The following SH3BGRL variants were observed in gnomAD, a reference collection of about 807,000 sequenced individuals.
The protein encoded by SH3BGRL is adapter SH3BGRL.
In SH3BGRL, 7 loss-of-function variants were observed where a neutral mutation model predicts 9.8. That is an observed-to-expected ratio of 0.72 (90% CI 0.41 to 1.35). The LOEUF is 1.35. Among genes scored for constraint, SH3BGRL ranks in the 40% most tolerant of loss-of-function variants. The pLI is 0.01. For missense variants in SH3BGRL, 73 were observed against 84.4 expected, an observed-to-expected ratio of 0.86 and a Z score of 0.53; for synonymous variants, 36 against 29.1, an observed-to-expected ratio of 1.24 and a Z score of -0.76.
rs1281370829 is a variant in SH3BGRL, at chrX:81,259,941, A to T, written c.46-17043A>T. Among the ~76,000 whole-genome samples the T allele has an allele frequency of 1.1e-4, 12 of 111,769 alleles. No individual in the cohort carries two copies. The Admixed American group carries it at 1.1e-3, about 11-fold the overall frequency. ...TGCTTCTTCACAGAAACTTTTTCTT[A>T]CGAAATCTTAAAGATCCAGGAGGCT... On this transcript the variant is annotated intron_variant, in intron 1 of 3. Transcript: ENST00000373212.
At position 81,205,502 on chromosome X, in the gene SH3BGRL, G is replaced by GTATA. The variant is rs770003979; in HGVS notation, c.45+3258_45+3259insATAT. Among the ~76,000 whole-genome samples the GTATA allele has an allele frequency of 2.8e-3, 250 of 88,917 alleles. 1 individual carries two copies. The highest frequency in any genetic ancestry group is 9.6e-3 in the African/African-American group (207 of 21,568). 77.2% of individuals were successfully genotyped at this position (88,917 alleles called of 115,157 possible). A position where few individuals can be genotyped will look rare whatever the true frequency, so the allele number is the denominator to read the frequency against. On this transcript the variant is annotated intron_variant, in intron 1 of 3. Coordinates refer to ENST00000373212, the MANE Select transcript of SH3BGRL (RefSeq NM_003022.3). ...TGTATATATATGTGTGTGTGTGTGT[G>GTATA]TGTATATATATATATATATATATAT...
At chrX:81,205,504 G>GTATATATA (rs34834268) in intron 1 of SH3BGRL, among the ~76,000 whole-genome samples, 34 of 85,142 alleles carry the variant, frequency 4.0e-4, no homozygotes, top group Middle Eastern at 6.2e-3. Context: ...GTGTGTGTGT[G>GTATATATA]TATATATATA....
chrX:81,214,533 G>GAATC (rs1188281490), intron 1 of SH3BGRL, among the ~76,000 whole-genome samples: 1 of 111,610 alleles, frequency 9.0e-6, no homozygotes, highest in Non-Finnish European at 1.9e-5. Flanking sequence ...TTTCACCATA[G>GAATC]AATCAACTTT....
chrX:81,292,331 C>T lies in SH3BGRL; in HGVS notation c.313-4864C>T, dbSNP rs146115960. On this transcript the variant is annotated intron_variant, in intron 3 of 3. Transcript: ENST00000373212. ...TGGAAGTACCCAAGGCTTGTAGCTT[C>T]CATCATCTGGAGCAGTGGCCTGACA... is the stretch of plus-strand genomic sequence containing the variant. Among the ~76,000 whole-genome samples the T allele has an allele frequency of 7.4e-3, 832 of 111,769 alleles. 8 individuals are homozygous for T. Among genetic ancestry groups the T allele is most frequent in the Non-Finnish European group, 5.2e-3 (276 of 53,062 alleles).
intron 1 of SH3BGRL, among the ~76,000 whole-genome samples, chrX:81,228,171 A>G (rs746427952): frequency 8.9e-6 from 1 of 112,108 alleles, no homozygotes; most frequent in South Asian, 3.8e-4. Flanking sequence ...ATGGCCCATG[A>G]CACAACCTTC....
At chrX:81,265,474 C>A (rs750352599) in intron 1 of SH3BGRL, among the ~76,000 whole-genome samples, 1 of 110,775 alleles carries the variant, frequency 9.0e-6, no homozygotes, top group Non-Finnish European at 1.9e-5. Context: ...GTTTTCTGAT[C>A]TTGTGATAGT....
At chrX:81,245,754 A>G (rs1027490838) in intron 1 of SH3BGRL, among the ~76,000 whole-genome samples, 2 of 111,788 alleles carry the variant, frequency 1.8e-5, no homozygotes, top group Admixed American at 1.9e-4. Context: ...GGTTAATTCA[A>G]TGTCTTTGCT....
intron 1 of SH3BGRL, among the ~76,000 whole-genome samples, chrX:81,220,560 A>G (rs1388429591): frequency 9.8e-6 from 1 of 101,774 alleles, no homozygotes; most frequent in Non-Finnish European, 2.0e-5. Context: ...TTTTCAAAAA[A>G]CCCACTTTTT....
At chrX:81,295,537 G>A in intron 3 of SH3BGRL, among the ~76,000 whole-genome samples, 1 of 111,275 alleles carries the variant, frequency 9.0e-6, no homozygotes, top group Non-Finnish European at 1.9e-5. Flanking sequence ...CTCGTCTTGG[G>A]TATGTCTTTA....
rs1431354238 is a variant in SH3BGRL, at chrX:81,296,581, A to G, written c.313-614A>G. ...AGAATGATGTTGTCTACCACGCTTG[A>G]TTTCTACAACTTAAGTCTGATGTTT... On this transcript the variant is annotated intron_variant, in intron 3 of 3. Coordinates refer to ENST00000373212, the MANE Select transcript of SH3BGRL (RefSeq NM_003022.3). Among the ~76,000 whole-genome samples, 4 of 111,063 alleles carry G rather than the reference A, an allele frequency of 3.6e-5. No homozygotes were observed. In the Admixed American group the frequency reaches 3.8e-4, roughly 11 times the overall value.
chrX:81,222,682 A>G (rs1412556263), intron 1 of SH3BGRL, among the ~76,000 whole-genome samples: 1 of 111,231 alleles, frequency 9.0e-6, no homozygotes, highest in Non-Finnish European at 1.9e-5. Flanking sequence ...TTTTGGGTAT[A>G]TGCCCAGTAA....
intron 1 of SH3BGRL, among the ~76,000 whole-genome samples, chrX:81,233,570 C>A (rs1391983403): frequency 9.1e-6 from 1 of 110,049 alleles, no homozygotes; most frequent in African/African-American, 3.3e-5. Context: ...ATGACTTTGG[C>A]ATGAATTTGA....
chrX:81,257,693 A>G (rs2075729517), intron 1 of SH3BGRL, among the ~76,000 whole-genome samples: 1 of 111,454 alleles, frequency 9.0e-6, no homozygotes, highest in South Asian at 3.8e-4. Flanking sequence ...TTAGAGTGAC[A>G]TCCTATCACC....
Position 81,244,977 on chromosome X carries a change from C to T in SH3BGRL, c.46-32007C>T, listed in dbSNP as rs183678534. Among the ~76,000 whole-genome samples, 294 of 112,091 alleles carry T rather than the reference C, an allele frequency of 2.6e-3. 1 individual carries two copies. Among genetic ancestry groups the T allele is most frequent in the South Asian group, 7.4e-3 (20 of 2,707 alleles). Reference sequence around the variant, plus strand: ...CATTTTTGCCTACTTCATTTCTTTGCATCCCTCTTTTCTGGTTTAGTTCTT... The same window carrying T: ...CATTTTTGCCTACTTCATTTCTTTGTATCCCTCTTTTCTGGTTTAGTTCTT... On this transcript the variant is annotated intron_variant, in intron 1 of 3. Transcript: ENST00000373212.
chrX:81,256,492 T>A (rs1416255218), intron 1 of SH3BGRL, among the ~76,000 whole-genome samples: 1 of 111,822 alleles, frequency 8.9e-6, no homozygotes, highest in Admixed American at 9.5e-5. Flanking sequence ...AGCAGAACAC[T>A]TTTGGAGTTT....
chrX:81,254,891 G>GT (rs762259496), intron 1 of SH3BGRL, among the ~76,000 whole-genome samples: 1,988 of 96,389 alleles, frequency 0.021, 41 homozygotes, highest in African/African-American at 0.054. Context: ...TCTTTCTTAA[G>GT]TTTTTTTTTT....
At chrX:81,221,277 CTTATATA>C (rs2147672744) in intron 1 of SH3BGRL, among the ~76,000 whole-genome samples, 1 of 111,195 alleles carries the variant, frequency 9.0e-6, no homozygotes, top group Non-Finnish European at 1.9e-5. Context: ...TAATTTTTGC[CTTATATA>C]TCTGGGTGCT....
intron 1 of SH3BGRL, among the ~76,000 whole-genome samples, chrX:81,230,581 G>T (rs2075630017): frequency 2.7e-5 from 3 of 112,100 alleles, no homozygotes; most frequent in African/African-American, 9.7e-5. Context: ...AAATTATCTT[G>T]GCATATTTGA....
chrX:81,260,317 T>C (rs1004115308), intron 1 of SH3BGRL, among the ~76,000 whole-genome samples: 2 of 111,167 alleles, frequency 1.8e-5, no homozygotes, highest in African/African-American at 6.5e-5. Context: ...AGCATGTTCC[T>C]TAATCCATCT....
Sources: allele counts gnomAD v4.1 joint callset (sites outside exome capture counted in the v4.1 genomes callset), GRCh38; gene constraint gnomAD v4.1.1; transcripts MANE v1.5; gene names NCBI Gene and HGNC (gene_info 2026-07-23, HGNC 2026-07-21).